MPDZ: variants seen among roughly 807,000 people sequenced by gnomAD.
The protein encoded by MPDZ is multiple PDZ domain protein.
Under a neutral mutation model 239.1 loss-of-function variants are expected in MPDZ, and 234 were observed. The observed-to-expected ratio is 0.98, with a 90% CI of 0.88 to 1.09. The LOEUF (loss-of-function observed/expected upper bound fraction) is 1.09, where lower values mean the gene tolerates loss of function less well. MPDZ is among the 50% of genes least tolerant of loss of function. MPDZ has a pLI of 0.00. For missense variants in MPDZ, 3,175 were observed against 2,510.0 expected, an observed-to-expected ratio of 1.26 and a Z score of -5.66; for synonymous variants, 1,048 against 881.3, an observed-to-expected ratio of 1.19 and a Z score of -3.35.
intron 2 of MPDZ, among the ~76,000 whole-genome samples, chr9:13,249,161 T>G (rs1967211714): frequency 6.7e-6 from 1 of 150,010 alleles, no homozygotes; most frequent in South Asian, 2.1e-4. Flanking sequence ...CAATATTTAC[T>G]CATATGCAGA....
rs1017277574 is a variant in MPDZ at position 13,143,473 on chromosome 9, G to C, written c.3833C>G (p.Ala1278Gly). The C allele has an allele frequency of 6.2e-7, 1 of 1,611,274 alleles. No homozygotes were observed. Among genetic ancestry groups the C allele is most frequent in the African/African-American group, 1.3e-5 (1 of 74,816 alleles). Residue 1278 changes from alanine (A) to glycine (G), a missense_variant, in exon 27 of 47, where the codon GCC becomes GGC. Ala to Gly is a moderately conservative substitution (Grantham distance 60). Coordinates refer to ENST00000319217, the MANE Select transcript of MPDZ (RefSeq NM_001378778.1). Reference sequence around the variant, plus strand: ...CAATGGGCATTATCCAACCTTGTCGGCGTTGATTTGTAGAGAGTCAGCAAA... The same window carrying C: ...CAATGGGCATTATCCAACCTTGTCGCCGTTGATTTGTAGAGAGTCAGCAAA... ...NPFADSLQINADKAPSQSESE... is the reference protein window; with the variant it reads ...NPFADSLQINGDKAPSQSESE...
intron 1 of MPDZ, among the ~76,000 whole-genome samples, chr9:13,263,395 A>C (rs1389264195): frequency 7.0e-4 from 92 of 132,266 alleles, no homozygotes; most frequent in African/African-American, 2.6e-3. Flanking sequence ...CTTGTTTGGC[A>C]AAAAAAAAAA....
At chr9:13,265,326 T>C (rs767966106) in intron 1 of MPDZ, among the ~76,000 whole-genome samples, 1 of 152,156 alleles carries the variant, frequency 6.6e-6, no homozygotes, top group African/African-American at 2.4e-5. Context: ...TCCCAGCACT[T>C]TGGGACGCTG....
intron 1 of MPDZ, among the ~76,000 whole-genome samples, chr9:13,268,591 A>C (rs1269265358): frequency 6.6e-6 from 1 of 152,182 alleles, no homozygotes; most frequent in African/African-American, 2.4e-5. Flanking sequence ...AGAGGAATTC[A>C]ATACTGCCAA....
chr9:13,191,024 A>G (rs975878186), intron 15 of MPDZ, among the ~76,000 whole-genome samples: 1 of 152,156 alleles, frequency 6.6e-6, no homozygotes, highest in East Asian at 1.9e-4. Context: ...AACATAACTT[A>G]AAGAAAGATG....
At chr9:13,133,325 A>C (rs1352927112) in intron 32 of MPDZ, among the ~76,000 whole-genome samples, 1 of 152,204 alleles carries the variant, frequency 6.6e-6, no homozygotes, top group Non-Finnish European at 1.5e-5. Context: ...TAACCACAAC[A>C]ATAATAGTCC....
At chr9:13,223,459 T>C in intron 5 of MPDZ, 112 bp downstream of exon 5, 2 of 1,280,558 alleles carry the variant, frequency 1.6e-6, no homozygotes, top group Non-Finnish European at 2.1e-6. Flanking sequence ...TAATAACAGA[T>C]TATGTTCAAT....
intron 32 of MPDZ, among the ~76,000 whole-genome samples, 200 bp from the exon 33 acceptor site, chr9:13,126,972 T>C (rs1033510087): frequency 1.3e-5 from 2 of 152,234 alleles, no homozygotes; most frequent in African/African-American, 2.4e-5. Context: ...TAAATTTTCC[T>C]CCATCAAACA....
At position 13,219,682 on chromosome 9, in the gene MPDZ, G is replaced by A. The variant is rs764067239; in HGVS notation, c.963C>T (p.Val321=). 2.5e-6 allele frequency: 4 copies of A among 1,612,636 alleles called. No individual in the cohort carries two copies. Among genetic ancestry groups the A allele is most frequent in the Non-Finnish European group, 3.4e-6 (4 of 1,179,262 alleles). Residue 321 remains valine (V), a synonymous_variant, in exon 8 of 47, where the codon GTC becomes GTT. Coordinates refer to ENST00000319217, the MANE Select transcript of MPDZ (RefSeq NM_001378778.1). ...AGMSSEQVAQ[V]LRQCGNRVKL... is the part of the protein sequence containing the mutation. Reference sequence around the variant, plus strand: ...TAACTCTATTTCCACATTGCCTAAGGACTTGTGCTACTTGCTCACTGCTCA... The same window carrying A: ...TAACTCTATTTCCACATTGCCTAAGAACTTGTGCTACTTGCTCACTGCTCA...
intron 3 of MPDZ, among the ~76,000 whole-genome samples, chr9:13,238,700 C>T (rs1964678012): frequency 6.6e-6 from 1 of 152,058 alleles, no homozygotes; most frequent in African/African-American, 2.4e-5. Context: ...AGAAGGATAC[C>T]ACAATTATCT....
intron 36 of MPDZ, 24 bp from the exon 37 acceptor site, chr9:13,122,194 C>G (rs767866806): frequency 1.9e-6 from 3 of 1,601,084 alleles, no homozygotes; most frequent in Admixed American, 1.7e-5. Context: ...CAAAACATAC[C>G]CATACTTATC....
chr9:13,108,701 G>C (rs1586839626), intron 46 of MPDZ, among the ~76,000 whole-genome samples: 1 of 152,168 alleles, frequency 6.6e-6, no homozygotes, highest in Non-Finnish European at 1.5e-5. Context: ...ATATTTTTAT[G>C]TATATTGTTG....
chr9:13,247,583 C>A (rs1966840561), intron 3 of MPDZ, 52 bp downstream of exon 3: 2 of 1,544,996 alleles, frequency 1.3e-6, no homozygotes, highest in Non-Finnish European at 1.8e-6. Context: ...ACAAGCCTTT[C>A]ACAAGATCTA....
chr9:13,244,754 T>G (rs764325120), intron 3 of MPDZ, among the ~76,000 whole-genome samples: 1 of 152,146 alleles, frequency 6.6e-6, no homozygotes, highest in East Asian at 1.9e-4. Flanking sequence ...TTAAACATTA[T>G]TGAATAGAAG....
rs539008970 is a variant in MPDZ at position 13,117,431 on chromosome 9, T to C, written c.5379+2071A>G. On this transcript the variant is annotated intron_variant, in intron 39 of 46. Coordinates refer to ENST00000319217, the MANE Select transcript of MPDZ (RefSeq NM_001378778.1). Reference sequence around the variant, plus strand: ...CTGTAGTCCCAGCTACTCAGGAGGCTGAGGCAGGAGAATGGCGTGAACCCG... The same window carrying C: ...CTGTAGTCCCAGCTACTCAGGAGGCCGAGGCAGGAGAATGGCGTGAACCCG... Among the ~76,000 whole-genome samples the C allele has an allele frequency of 5.3e-5, 8 of 151,124 alleles. No homozygotes were observed. In the South Asian group the frequency reaches 1.7e-3, roughly 32 times the overall value.
intron 28 of MPDZ, among the ~76,000 whole-genome samples, chr9:13,139,069 G>C (rs951235888): frequency 6.6e-6 from 1 of 152,184 alleles, no homozygotes; most frequent in African/African-American, 2.4e-5. Flanking sequence ...AACAGACTGC[G>C]AAAACTACAA....
rs767219040 is a variant in MPDZ at position 13,112,982 on chromosome 9, G to T, written c.5601+29C>A. On this transcript the variant is annotated intron_variant, in intron 42 of 46. Coordinates refer to ENST00000319217, the MANE Select transcript of MPDZ (RefSeq NM_001378778.1). ...TGAAGATGTCTCTTAAAACGCCAGG[G>T]TTTATATTGTTTTCTCTCCCCAAGT... is the stretch of plus-strand genomic sequence containing the variant. 4.5e-6 allele frequency: 7 copies of T among 1,561,536 alleles called. No individual in the cohort carries two copies. In the South Asian group the frequency reaches 7.0e-5, roughly 16 times the overall value.
intron 4 of MPDZ, 67 bp from the exon 5 acceptor site, chr9:13,223,777 A>G (rs1052656232): frequency 8.8e-6 from 13 of 1,476,266 alleles, no homozygotes; most frequent in African/African-American, 1.4e-5. Flanking sequence ...CACGCCTGTA[A>G]TCCCAGCACT....
intron 16 of MPDZ, among the ~76,000 whole-genome samples, chr9:13,189,682 A>C (rs1308643810): frequency 6.6e-6 from 1 of 152,212 alleles, no homozygotes; most frequent in Non-Finnish European, 1.5e-5. Context: ...GACCAATTTA[A>C]GTATATTCAT....
Sources: allele counts gnomAD v4.1 joint callset (sites outside exome capture counted in the v4.1 genomes callset), GRCh38; gene constraint gnomAD v4.1.1; transcripts MANE v1.5; gene names NCBI Gene and HGNC (gene_info 2026-07-23, HGNC 2026-07-21).